TRPA1: variants seen among roughly 807,000 people sequenced by gnomAD.
TRPA1 encodes the protein transient receptor potential cation channel subfamily A member 1.
TRPA1 carries 129 observed loss-of-function variants against 131.3 expected under a neutral mutation model. The observed-to-expected ratio is 0.98, with a 90% confidence interval of 0.85 to 1.14. TRPA1 has a LOEUF of 1.14. Ranked by LOEUF, TRPA1 falls within the 50% of genes most tolerant of loss-of-function variation. TRPA1 has a pLI of 0.00. For synonymous variants in TRPA1, 441 were observed against 451.7 expected, an observed-to-expected ratio of 0.98 and a Z score of 0.30; for missense variants, 1,304 against 1,354.2, an observed-to-expected ratio of 0.96 and a Z score of 0.58.
At chr8:72,061,411 G>C (rs774126077) in intron 7 of TRPA1, among the ~76,000 whole-genome samples, 4 of 152,140 alleles carry the variant, frequency 2.6e-5, no homozygotes, top group Non-Finnish European at 5.9e-5. Flanking sequence ...TATGCCACAG[G>C]TGATTTTATT....
the TRPA1 span, among the ~76,000 whole-genome samples, chr8:72,080,731 A>G: frequency 6.6e-6 from 1 of 151,802 alleles, no homozygotes; most frequent in Non-Finnish European, 1.5e-5. Flanking sequence ...TATCTTTTGT[A>G]GAGCTATTTT....
rs1336101443 is a variant in TRPA1, at chr8:72,038,864, C to G, written c.2295+1G>C. Reference sequence around the variant, plus strand: ...TTTAGAAAGTTAAAATTTGAAATTACCGTGGTATCTAGTATTTCTGAATGA... The same window carrying G: ...TTTAGAAAGTTAAAATTTGAAATTAGCGTGGTATCTAGTATTTCTGAATGA... On this transcript the variant is annotated splice_donor_variant, in intron 19 of 26. Coordinates refer to ENST00000262209, the MANE Select transcript of TRPA1 (RefSeq NM_007332.3). LOFTEE classifies it high-confidence loss of function. 2 of 1,608,442 alleles carry G rather than the reference C, an allele frequency of 1.2e-6. No homozygotes were observed. The highest frequency in any genetic ancestry group is 3.4e-5 in the Admixed American group (2 of 59,606).
At chr8:72,084,554 T>G in the TRPA1 span, among the ~76,000 whole-genome samples, 1 of 151,988 alleles carries the variant, frequency 6.6e-6, no homozygotes, top group Non-Finnish European at 1.5e-5. Flanking sequence ...TGTGAAATTA[T>G]TTGAGAATTG....
chr8:72,063,686 T>A, intron 4 of TRPA1, 115 bp from the exon 5 acceptor site: 1 of 709,830 alleles, frequency 1.4e-6, no homozygotes, highest in Non-Finnish European at 2.5e-6. Context: ...TATGTAAAAG[T>A]ACATAGAGAG....
chr8:72,053,763 T>A lies in TRPA1; in HGVS notation c.1634A>T (p.Asp545Val). 6 of 1,612,142 alleles carry A rather than the reference T, an allele frequency of 3.7e-6. No individual in the cohort carries two copies. Among genetic ancestry groups the A allele is most frequent in the Non-Finnish European group, 5.1e-6 (6 of 1,179,514 alleles). ...GACCGCAGTACATACCCCGTCTTCA[T>A]CCAGGCGATCTGTGCACTTCAAATT... ...DTNLKCTDRL[D>V]EDGNTALHFA... Residue 545 changes from aspartate (D) to valine (V), a missense_variant, in exon 13 of 27, where the codon GAT becomes GTT. Asp to Val is a radical substitution (Grantham distance 152, BLOSUM62 -3). Transcript: ENST00000262209.
chr8:72,088,252 C>T, the TRPA1 span, among the ~76,000 whole-genome samples: 3 of 151,634 alleles, frequency 2.0e-5, no homozygotes, highest in Non-Finnish European at 4.4e-5. Context: ...AGTTTAACAA[C>T]TTTGTATATT....
At chr8:72,051,140 T>C (rs1292682117) in intron 14 of TRPA1, among the ~76,000 whole-genome samples, 2 of 152,280 alleles carry the variant, frequency 1.3e-5, no homozygotes, top group East Asian at 1.9e-4. Context: ...TAAATGCCAT[T>C]CAAAGAAGCT....
intron 10 of TRPA1, chr8:72,056,329 G>A (rs1264578026): frequency 5.8e-6 from 1 of 170,948 alleles, no homozygotes; most frequent in Non-Finnish European, 1.3e-5. Flanking sequence ...AGAAGCTTAA[G>A]CCTATCAATT....
chr8:72,067,412 T>TA (rs1805957973), intron 3 of TRPA1, among the ~76,000 whole-genome samples: 1 of 152,192 alleles, frequency 6.6e-6, no homozygotes. Flanking sequence ...CTTAGAACTC[T>TA]ATTTTTCTGC....
At chr8:72,064,646 T>C (rs993846983) in intron 4 of TRPA1, among the ~76,000 whole-genome samples, 3 of 152,194 alleles carry the variant, frequency 2.0e-5, no homozygotes, top group African/African-American at 7.2e-5. Context: ...CATTTAAACA[T>C]TAGGTAAATA....
the TRPA1 span, among the ~76,000 whole-genome samples, chr8:72,083,371 T>C: frequency 2.0e-5 from 3 of 152,258 alleles, no homozygotes; most frequent in Non-Finnish European, 2.9e-5. Flanking sequence ...GCTTGTCTTA[T>C]AACATTTTGG....
At chr8:72,052,364 G>C (rs1382040122) in intron 14 of TRPA1, among the ~76,000 whole-genome samples, 1 of 152,146 alleles carries the variant, frequency 6.6e-6, no homozygotes, top group African/African-American at 2.4e-5. Context: ...GGAGGTTGCA[G>C]TGAACAGAGA....
In TRPA1 at chr8:72,022,457, A is replaced by G. The variant is rs1215724428; in HGVS notation, c.*449T>C. ...TTCCAGGAAGCAGCTTAGGTTAGGT[A>G]GACCTCAACCTAATATTTAAGACTA... On this transcript the variant is annotated 3_prime_UTR_variant, in exon 27 of 27. Transcript: ENST00000262209. The G allele has an allele frequency of 6.8e-6, 2 of 293,228 alleles. No homozygotes were observed. The highest frequency in any genetic ancestry group is 4.5e-5 in the African/African-American group (2 of 44,568). The allele number at this position is 293,228 out of a possible 1,614,324, so 18.2% of individuals were successfully genotyped here. A position where few individuals can be genotyped will look rare whatever the true frequency, so the allele number is the denominator to read the frequency against.
intron 1 of TRPA1, among the ~76,000 whole-genome samples, chr8:72,074,614 A>G (rs889796978): frequency 3.3e-5 from 5 of 152,158 alleles, no homozygotes; most frequent in Non-Finnish European, 7.3e-5. Flanking sequence ...AACAGCCTCT[A>G]TCCCTTAGAC....
chr8:72,038,821 T>C lies in TRPA1; in HGVS notation c.2295+44A>G, dbSNP rs983796969. On this transcript the variant is annotated intron_variant, in intron 19 of 26. Transcript: ENST00000262209. ...TTTAGTAGTCTTAAGAAAAAATACA[T>C]TTTTTATAATCCTTTATTTTAGAAA... The C allele has an allele frequency of 8.4e-6, 13 of 1,548,958 alleles. No individual in the cohort carries two copies. The East Asian group carries it at 1.6e-4, about 20-fold the overall frequency.
At chr8:72,047,293 A>G in intron 15 of TRPA1, 86 bp from the exon 16 acceptor site, 1 of 977,320 alleles carries the variant, frequency 1.0e-6, no homozygotes, top group South Asian at 1.4e-5. Context: ...AATAATACAC[A>G]AGACATTCCC....
At chr8:72,057,934 G>A (rs1805714153) in intron 8 of TRPA1, 118 bp from the exon 9 acceptor site, 3 of 740,992 alleles carry the variant, frequency 4.0e-6, no homozygotes, top group Non-Finnish European at 7.0e-6. Context: ...GGCTAGCACT[G>A]AACCATACGA....
chr8:72,024,707 C>A (rs1811521400), intron 25 of TRPA1, among the ~76,000 whole-genome samples: 1 of 152,014 alleles, frequency 6.6e-6, no homozygotes, highest in African/African-American at 2.4e-5. Flanking sequence ...TTAAAACATG[C>A]AAGTGGAGAT....
At position 72,050,192 on chromosome 8, in the gene TRPA1, C is replaced by T. The variant is rs150673677; in HGVS notation, c.1905+586G>A. On this transcript the variant is annotated intron_variant, in intron 15 of 26. Coordinates refer to ENST00000262209, the MANE Select transcript of TRPA1 (RefSeq NM_007332.3). ...CCCACCTATGAGTGAGAACATGTGG[C>T]GTTTGGTTTTCTGTCCTTGTGACAG... Among the ~76,000 whole-genome samples, 915 of 152,084 alleles carry T rather than the reference C, an allele frequency of 6.0e-3. 15 individuals are homozygous for T. The highest frequency in any genetic ancestry group is 0.02 in the African/African-American group (844 of 41,480).
Sources: gnomAD v4.1 joint callset for allele counts (sites outside exome capture counted in the v4.1 genomes callset) on GRCh38, gnomAD v4.1.1 for gene constraint, MANE v1.5 for transcripts, NCBI Gene and HGNC (gene_info 2026-07-23, HGNC 2026-07-21) for gene names.